PECR: variants seen among roughly 807,000 people sequenced by gnomAD.
PECR encodes the protein peroxisomal trans-2-enoyl-CoA reductase, also known as 2,4-dienoyl-CoA reductase-related protein.
Under a neutral mutation model 35.3 loss-of-function variants are expected in PECR, and 30 were observed. The ratio of observed to expected loss-of-function variants is 0.85; its 90% CI spans 0.64 to 1.15. PECR has a LOEUF of 1.15. PECR is among the 50% of genes most tolerant of loss of function. PECR has a pLI of 0.00. For synonymous variants in PECR, 148 were observed against 138.9 expected, an observed-to-expected ratio of 1.07 and a Z score of -0.46; for missense variants, 392 against 370.8, an observed-to-expected ratio of 1.06 and a Z score of -0.47.
chr2:216,048,559 A>C (rs1291011001), intron 6 of PECR, among the ~76,000 whole-genome samples: 2 of 151,736 alleles, frequency 1.3e-5, no homozygotes, highest in East Asian at 3.9e-4. Context: ...AAAACACAAA[A>C]ATCAGTCAGG....
At chr2:216,036,233 C>T (rs147145221), downstream of PECR, among the ~76,000 whole-genome samples, 464 of 152,354 alleles carry the variant, frequency 3.0e-3, 4 homozygotes, top group African/African-American at 0.011. Context: ...AACCAAGACC[C>T]AGCTGAAGGG....
chr2:216,044,265 C>A (rs1378542158), intron 6 of PECR, among the ~76,000 whole-genome samples: 1 of 152,152 alleles, frequency 6.6e-6, no homozygotes, highest in Non-Finnish European at 1.5e-5. Flanking sequence ...GAGCCTTAGA[C>A]GATGTCAAGC....
intron 6 of PECR, among the ~76,000 whole-genome samples, chr2:216,048,694 A>T (rs1695043749): frequency 6.6e-6 from 1 of 151,918 alleles, no homozygotes; most frequent in South Asian, 2.1e-4. Flanking sequence ...TGGGCAACAA[A>T]GAGACTCTGT....
At chr2:216,046,072 G>GGAGGCT (rs1694982251) in intron 6 of PECR, among the ~76,000 whole-genome samples, 2 of 150,272 alleles carry the variant, frequency 1.3e-5, no homozygotes, top group African/African-American at 4.9e-5. Flanking sequence ...CAGCTACTCA[G>GGAGGCT]GAGGCTGAGG....
chr2:216,046,117 A>AT (rs1187800839), intron 6 of PECR, among the ~76,000 whole-genome samples: 1 of 150,066 alleles, frequency 6.7e-6, no homozygotes, highest in Non-Finnish European at 1.5e-5. Context: ...AAAAAAAAAA[A>AT]GTTTTTGTTT....
At chr2:216,072,679 T>A (rs1015409303) in intron 1 of PECR, among the ~76,000 whole-genome samples, 5 of 152,260 alleles carry the variant, frequency 3.3e-5, no homozygotes, top group Admixed American at 6.5e-5. Context: ...GTTCTATCCA[T>A]GTTCCTGCAA....
intron 1 of PECR, among the ~76,000 whole-genome samples, chr2:216,079,468 C>T (rs1036284658): frequency 2.0e-4 from 30 of 150,886 alleles, no homozygotes; most frequent in Non-Finnish European, 4.1e-4. Context: ...CCCGGGTTCA[C>T]GCCATTCTCC....
intron 7 of PECR, among the ~76,000 whole-genome samples, chr2:216,043,219 T>A (rs760520733): frequency 2.0e-5 from 3 of 151,864 alleles, no homozygotes; most frequent in African/African-American, 4.8e-5. Flanking sequence ...ACCATTCTCC[T>A]GCCTCAGCCT....
chr2:216,073,989 T>C (rs828906), intron 1 of PECR, among the ~76,000 whole-genome samples: 344 of 152,340 alleles, frequency 2.3e-3, no homozygotes, highest in Non-Finnish European at 4.0e-3. Context: ...TTAGGAGAAA[T>C]AGCTGAGCTT....
intron 6 of PECR, among the ~76,000 whole-genome samples, chr2:216,044,616 T>C (rs560490488): frequency 4.6e-5 from 7 of 152,180 alleles, no homozygotes; most frequent in Admixed American, 1.3e-4. Context: ...GTGGGAGCAT[T>C]GCGTGGGCCT....
chr2:216,030,910 G>T (rs966451401), intron 7 of PECR, among the ~76,000 whole-genome samples: 1 of 145,320 alleles, frequency 6.9e-6, no homozygotes, highest in South Asian at 2.2e-4. Flanking sequence ...GAACACACAA[G>T]CCCACTATGA....
chr2:216,032,838 T>C (rs989898688), intron 7 of PECR: 1 of 152,232 alleles, frequency 6.6e-6, no homozygotes, highest in Non-Finnish European at 1.5e-5. Context: ...CTTATTTCAA[T>C]AGATGCCTTC....
In PECR at chr2:216,065,153, C is replaced by T. The variant is rs531917852; in HGVS notation, c.424+159G>A. The T allele has an allele frequency of 4.4e-5, 30 of 682,522 alleles. No homozygotes were observed. In the East Asian group the frequency reaches 7.1e-4, roughly 16 times the overall value. The allele number at this position is 682,522 out of a possible 1,614,324, so 42.3% of individuals were successfully genotyped here. A position where few individuals can be genotyped will look rare whatever the true frequency, so the allele number is the denominator to read the frequency against. Reference sequence around the variant, plus strand: ...GATATCCACATTTTATAAATATTGCCAAATTACTATACTGAAATGTACCAA... The same window carrying T: ...GATATCCACATTTTATAAATATTGCTAAATTACTATACTGAAATGTACCAA... On this transcript the variant is annotated intron_variant, in intron 3 of 7. Coordinates refer to ENST00000265322, the MANE Select transcript of PECR (RefSeq NM_018441.6).
chr2:216,051,075 C>T (rs1225325648), intron 5 of PECR, among the ~76,000 whole-genome samples: 1 of 151,638 alleles, frequency 6.6e-6, no homozygotes, highest in African/African-American at 2.4e-5. Flanking sequence ...CTCCTGAGCT[C>T]AGGAGTTCGA....
intron 3 of PECR, 125 bp downstream of exon 3, chr2:216,065,187 C>T (rs1574698708): frequency 3.8e-6 from 3 of 780,110 alleles, no homozygotes; most frequent in East Asian, 4.9e-5. Flanking sequence ...AATTTACATT[C>T]CTATGTTGTA....
At chr2:216,061,684 T>C (rs1695355511) in intron 3 of PECR, among the ~76,000 whole-genome samples, 1 of 152,094 alleles carries the variant, frequency 6.6e-6, no homozygotes. Flanking sequence ...ATATAAAAAG[T>C]ATGGATTTTT....
At position 216,065,373 on chromosome 2, in the gene PECR, A is replaced by C; in HGVS notation, c.363T>G (p.Ser121=). 1 of 1,610,224 alleles carries C rather than the reference A, an allele frequency of 6.2e-7. No homozygotes were observed. The highest frequency in any genetic ancestry group is 8.5e-7 in the Non-Finnish European group (1 of 1,176,348). ...QFLSPAEHIS[S]KGWHAVLETN... ...TCTCAAGCACAGCGTGCCATCCCTT[A>C]GAACTGATGTGTTCAGCAGGGGAAA... Residue 121 remains serine (S), a synonymous_variant, in exon 3 of 8, where the codon TCT becomes TCG. Transcript: ENST00000265322.
downstream of PECR, among the ~76,000 whole-genome samples, chr2:216,036,500 G>T (rs1694794419): frequency 6.6e-6 from 1 of 152,186 alleles, no homozygotes; most frequent in Non-Finnish European, 1.5e-5. Context: ...CTTTGTCCAG[G>T]CACCAGCAGG....
At chr2:216,060,567 C>A (rs911977204) in intron 3 of PECR, among the ~76,000 whole-genome samples, 1 of 152,050 alleles carries the variant, frequency 6.6e-6, no homozygotes, top group Non-Finnish European at 1.5e-5. Context: ...TAGGCTGAAG[C>A]GGGGAGGATT....
Sources: gnomAD v4.1 joint callset for allele counts (sites outside exome capture counted in the v4.1 genomes callset) on GRCh38, gnomAD v4.1.1 for gene constraint, MANE v1.5 for transcripts, NCBI Gene and HGNC (gene_info 2026-07-23, HGNC 2026-07-21) for gene names.